ABL2: variants seen among roughly 807,000 people sequenced by gnomAD.
ABL2 encodes ABL proto-oncogene 2, non-receptor tyrosine kinase, also known as tyrosine-protein kinase ABL2.
A neutral mutation model predicts 107.7 loss-of-function variants in ABL2; 49 were observed. That is an observed-to-expected ratio of 0.45 (90% CI 0.36 to 0.58). ABL2 has a LOEUF of 0.58. Among genes scored for constraint, ABL2 ranks in the 20% least tolerant of loss-of-function variants. The pLI is 0.00. For synonymous variants in ABL2, 549 were observed against 548.6 expected, an observed-to-expected ratio of 1.00 and a Z score of -0.01; for missense variants, 1,245 against 1,457.0, an observed-to-expected ratio of 0.85 and a Z score of 2.37.
intron 1 of ABL2, among the ~76,000 whole-genome samples, chr1:179,174,241 T>G (rs1659893784): frequency 6.6e-6 from 1 of 150,802 alleles, no homozygotes; most frequent in Non-Finnish European, 1.5e-5. Context: ...TGAGCCGAGA[T>G]CGTGCCACTG....
intron 1 of ABL2, chr1:179,201,667 G>T: frequency 1.8e-6 from 1 of 553,512 alleles, no homozygotes. Flanking sequence ...GTGTCCTCTT[G>T]TGCACATGCT....
chr1:179,145,520 G>C lies in ABL2; in HGVS notation c.158-12146C>G, dbSNP rs568006350. ...ACTATTTTCAAAAAAGAATTAAGAA[G>C]ATAAGAGTAGCATTTTCAGTTTTTG... On this transcript the variant is annotated intron_variant, in intron 1 of 11. Coordinates refer to ENST00000502732, the MANE Select transcript of ABL2 (RefSeq NM_007314.4). Among the ~76,000 whole-genome samples the C allele has an allele frequency of 1.1e-4, 16 of 152,272 alleles. No homozygotes were observed. In the South Asian group the frequency reaches 3.3e-3, roughly 32 times the overall value.
At chr1:179,173,222 G>GT (rs1659832772) in intron 1 of ABL2, among the ~76,000 whole-genome samples, 1 of 150,728 alleles carries the variant, frequency 6.6e-6, no homozygotes, top group African/African-American at 2.4e-5. Flanking sequence ...GAAAAAAAAC[G>GT]TAAGTTAACA....
chr1:179,137,435 T>C (rs1029145094), intron 1 of ABL2, among the ~76,000 whole-genome samples: 1 of 152,106 alleles, frequency 6.6e-6, no homozygotes, highest in Non-Finnish European at 1.5e-5. Flanking sequence ...TAAATATATA[T>C]ATATATTTTT....
At chr1:179,122,088 G>A (rs1393415005) in intron 4 of ABL2, among the ~76,000 whole-genome samples, 2 of 151,190 alleles carry the variant, frequency 1.3e-5, no homozygotes, top group South Asian at 2.1e-4. Flanking sequence ...CACCATGCCC[G>A]GCTAATTTTT....
At chr1:179,122,582 C>CTTCAAATATATATATATT (rs1032262069) in intron 4 of ABL2, among the ~76,000 whole-genome samples, 33 of 151,954 alleles carry the variant, frequency 2.2e-4, no homozygotes, top group African/African-American at 7.7e-4. Context: ...GCTCATTGGT[C>CTTCAAATATATATATATT]TTCAAATATA....
Position 179,113,470 on chromosome 1 carries a change from T to C in ABL2, c.1562-1072A>G, listed in dbSNP as rs537137212. ...AAAGTGCAACAGAGAACGTCAATGT[T>C]CAATGAGGAAACAACACAGACTTAT... On this transcript the variant is annotated intron_variant, in intron 9 of 11. Transcript: ENST00000502732. Among the ~76,000 whole-genome samples, 12 of 152,294 alleles carry C rather than the reference T, an allele frequency of 7.9e-5. No individual in the cohort carries two copies. In the East Asian group the frequency reaches 2.3e-3, roughly 29 times the overall value.
chr1:179,195,474 C>T (rs186720068), intron 1 of ABL2, among the ~76,000 whole-genome samples: 3 of 152,166 alleles, frequency 2.0e-5, no homozygotes, highest in East Asian at 3.9e-4. Flanking sequence ...TATGGTGGTT[C>T]CTCAGAAAAA....
In ABL2 at chr1:179,108,654, A is replaced by G; in HGVS notation, c.2613T>C (p.Ile871=). The G allele has an allele frequency of 6.2e-7, 1 of 1,614,130 alleles. No individual in the cohort carries two copies. Residue 871 remains isoleucine (I), a synonymous_variant, in exon 12 of 12, where the codon ATT becomes ATC. Coordinates refer to ENST00000502732, the MANE Select transcript of ABL2 (RefSeq NM_007314.4). ...PLRTPSGDLA[I]TEKDPPGVGV... is the part of the protein sequence containing the mutation. The stretch of plus-strand genomic sequence containing the variant: ...CCACCCCTGGAGGGTCCTTCTCTGT[A>G]ATGGCTAGATCCCCAGAGGGTGTTC...
At position 179,110,426 on chromosome 1, in the gene ABL2, A is replaced by C; in HGVS notation, c.1681T>G (p.Ser561Ala). 13 of 1,613,912 alleles carry C rather than the reference A, an allele frequency of 8.1e-6. No individual in the cohort carries two copies. The highest frequency in any genetic ancestry group is 1.1e-5 in the Non-Finnish European group (13 of 1,179,990). Residue 561 changes from serine to alanine, a missense_variant, in exon 11 of 12, where the codon TCC (serine) becomes GCC (alanine). Transcript: ENST00000502732. The part of the protein sequence containing the change: ...EVAEELGRAA[S>A]SSSVVPYLPR... Reference sequence around the variant, plus strand: ...AGGTATGGAACAACAGATGACGAGGAGGCGGCTCTCCCAAGCTCCTCAGCT... The same window carrying C: ...AGGTATGGAACAACAGATGACGAGGCGGCGGCTCTCCCAAGCTCCTCAGCT...
Position 179,147,099 on chromosome 1 carries a change from AACAG to A in ABL2, c.158-13729_158-13726del, listed in dbSNP as rs369914005. Reference sequence around the variant, plus strand: ...ATTTAAAAAGTAGGCTAAGAACATGAACAGACATTTTCCAAAGATGACACATAGG... The same window carrying A: ...ATTTAAAAAGTAGGCTAAGAACATGAACATTTTCCAAAGATGACACATAGG... On this transcript the variant is annotated intron_variant, in intron 1 of 11. Transcript: ENST00000502732. 3.6e-3 allele frequency among the ~76,000 whole-genome samples: 543 copies of A among 150,646 alleles called. 1 individual carries two copies. Among genetic ancestry groups the A allele is most frequent in the African/African-American group, 9.8e-3 (402 of 40,996 alleles).
At chr1:179,154,967 C>A (rs1344429953) in intron 1 of ABL2, among the ~76,000 whole-genome samples, 1 of 152,180 alleles carries the variant, frequency 6.6e-6, no homozygotes, top group Non-Finnish European at 1.5e-5. Flanking sequence ...TAATTTATAA[C>A]ATCATTACCT....
At chr1:179,188,763 T>C (rs543885850) in intron 1 of ABL2, among the ~76,000 whole-genome samples, 2 of 152,330 alleles carry the variant, frequency 1.3e-5, no homozygotes, top group South Asian at 2.1e-4. Flanking sequence ...TCAGTAACTG[T>C]TGAGTAGATG....
intron 5 of ABL2, 59 bp downstream of exon 5, chr1:179,121,536 C>G (rs1655195849): frequency 2.5e-6 from 4 of 1,569,274 alleles, no homozygotes; most frequent in Non-Finnish European, 3.5e-6. Flanking sequence ...GCTGATATTT[C>G]CAAGTGATTG....
At chr1:179,156,460 C>A (rs1034795699) in intron 1 of ABL2, among the ~76,000 whole-genome samples, 1 of 152,188 alleles carries the variant, frequency 6.6e-6, no homozygotes, top group African/African-American at 2.4e-5. Context: ...TTTATAAAAG[C>A]ATGCTCAGGA....
intron 1 of ABL2, among the ~76,000 whole-genome samples, chr1:179,228,687 A>G (rs1050861130): frequency 6.6e-6 from 1 of 152,140 alleles, no homozygotes; most frequent in East Asian, 1.9e-4. Context: ...AGCATGTCAA[A>G]AGTGATAAGA....
chr1:179,162,442 G>A (rs537484003), intron 1 of ABL2, among the ~76,000 whole-genome samples: 18 of 152,116 alleles, frequency 1.2e-4, no homozygotes, highest in African/African-American at 3.1e-4. Context: ...AAAATTAGCC[G>A]GGCATGGTGG....
Position 179,126,485 on chromosome 1 carries a change from G to A in ABL2, c.579C>T (p.Gly193=). ...TCTCACTTTCTCGCACCAGGAAGCTGCCATTGATTAGACTGCTGAGCAGAT... is the reference window on the plus strand; with the variant it reads ...TCTCACTTTCTCGCACCAGGAAGCTACCATTGATTAGACTGCTGAGCAGAT... ...AEYLLSSLIN[G]SFLVRESESS... is the part of the protein sequence containing the mutation. The change falls in exon 4 of 12, where the codon GGC becomes GGT. Residue 193 remains glycine, a synonymous_variant. Transcript: ENST00000502732. This position sits in a 1 kb window ranked among gnomAD's most constrained non-coding sequence, Gnocchi z 4.4. The A allele has an allele frequency of 6.2e-7, 1 of 1,614,146 alleles. No individual in the cohort carries two copies. Among genetic ancestry groups the A allele is most frequent in the Non-Finnish European group, 8.5e-7 (1 of 1,180,038 alleles).
At chr1:179,119,232 G>A (rs891819416) in intron 6 of ABL2, among the ~76,000 whole-genome samples, 1 of 152,064 alleles carries the variant, frequency 6.6e-6, no homozygotes, top group Non-Finnish European at 1.5e-5. Context: ...CTGATATATG[G>A]CAGATTCCTT....
Sources: gnomAD v4.1 joint callset for allele counts (sites outside exome capture counted in the v4.1 genomes callset) on GRCh38, gnomAD v4.1.1 for gene constraint, Gnocchi (gnomAD v3.1) non-coding constraint, MANE v1.5 for transcripts, NCBI Gene and HGNC (gene_info 2026-07-23, HGNC 2026-07-21) for gene names.